The following CDCA5 variants were observed in gnomAD, a reference collection of about 807,000 sequenced individuals.
The protein encoded by CDCA5 is sororin.
Under a neutral mutation model 25.7 loss-of-function variants are expected in CDCA5, and 14 were observed. The observed-to-expected ratio is 0.54, with a 90% confidence interval of 0.36 to 0.85. The LOEUF is 0.85. Ranked by LOEUF, CDCA5 falls within the 40% of genes least tolerant of loss-of-function variation. The pLI, the probability that CDCA5 is intolerant of heterozygous loss-of-function variation, is 0.01. For synonymous variants in CDCA5, 127 were observed against 128.7 expected (o/e 0.99, Z 0.09); for missense variants, 307 against 324.5 (o/e 0.95, Z 0.41).
At chr11:65,072,529 G>A (rs938725760), downstream of CDCA5, among the ~76,000 whole-genome samples, 75 of 152,198 alleles carry the variant, frequency 4.9e-4, no homozygotes, top group African/African-American at 1.7e-3. Flanking sequence ...AATTTGTGCT[G>A]TGGGAGGCTC....
At chr11:65,082,163 T>G (rs1947580634) in intron 4 of CDCA5, among the ~76,000 whole-genome samples, 1 of 152,144 alleles carries the variant, frequency 6.6e-6, no homozygotes, top group South Asian at 2.1e-4. Context: ...GTAGCCCTTC[T>G]CAAAACCATT....
intron 1 of CDCA5, among the ~76,000 whole-genome samples, chr11:65,069,340 A>G (rs1402524474): frequency 6.6e-6 from 1 of 151,846 alleles, no homozygotes; most frequent in East Asian, 1.9e-4. Context: ...AACCACAGAC[A>G]TGGTCCTTCT....
rs2137056587 is a variant in CDCA5 at position 65,066,393 on chromosome 11, C to T, written c.644G>A (p.Trp215Ter). ...TCCGACCTCTGGCCTGGGGCCTGGC[C>T]AGGCCTGACCCTGGTCTCTGTGGTC... The change falls in exon 7 of 7, where the codon TGG (tryptophan) becomes TAG (stop). Residue 215 changes from tryptophan to a stop codon, truncating the protein, a stop_gained. Transcript: ENST00000525464. LOFTEE classifies it low-confidence loss of function (END_TRUNC). 8.3e-7 allele frequency: 1 copy of T among 1,211,764 alleles called. No individual in the cohort carries two copies. The highest frequency in any genetic ancestry group is 1.4e-5 in the South Asian group (1 of 69,046). 75.1% of individuals were successfully genotyped at this position (1,211,764 alleles called of 1,614,324 possible).
chr11:65,083,750 AGAG>A (rs1180672889), intron 1 of CDCA5, 27 bp from the exon 2 acceptor site: 3 of 1,598,514 alleles, frequency 1.9e-6, no homozygotes, highest in East Asian at 2.2e-5. Context: ...GTTAAGTGGT[AGAG>A]GAGGACTCTA....
At chr11:65,070,605 T>G (rs1299988429) in intron 1 of CDCA5, among the ~76,000 whole-genome samples, 4 of 152,112 alleles carry the variant, frequency 2.6e-5, no homozygotes, top group African/African-American at 9.7e-5. Context: ...CACTTCAGCC[T>G]CCTGAGTAGC....
chr11:65,083,554 G>A lies in CDCA5; in HGVS notation c.142-4C>T. Reference sequence around the variant, plus strand: ...TGACTGCAGCCGCACTGGGTGTCTGGAGAAGAGGGATGAACGTGAGCTCAA... The same window carrying A: ...TGACTGCAGCCGCACTGGGTGTCTGAAGAAGAGGGATGAACGTGAGCTCAA... On this transcript the variant is annotated splice_polypyrimidine_tract_variant and splice_region_variant and intron_variant, in intron 2 of 5. Coordinates refer to ENST00000275517, the MANE Select transcript of CDCA5 (RefSeq NM_080668.4). 2 of 1,614,148 alleles carry A rather than the reference G, an allele frequency of 1.2e-6. No individual in the cohort carries two copies. The highest frequency in any genetic ancestry group is 8.5e-7 in the Non-Finnish European group (1 of 1,180,006).
intron 1 of CDCA5, among the ~76,000 whole-genome samples, chr11:65,069,235 C>CA (rs538955897): frequency 0.83 from 71,071 of 85,982 alleles, 29,623 homozygotes; most frequent in Middle Eastern, 0.97. Flanking sequence ...GCGAGACTCT[C>CA]AAAAAAAAAA....
At chr11:65,067,801 A>AG (rs1477137770) in intron 3 of CDCA5, 1 of 796,776 alleles carries the variant, frequency 1.3e-6, no homozygotes, top group Non-Finnish European at 1.8e-6. Context: ...CTAGGGGATG[A>AG]GGGAAGTGGG....
chr11:65,066,169 G>A, downstream of CDCA5: 1 of 259,132 alleles, frequency 3.9e-6, no homozygotes. Flanking sequence ...AGGGGTAGAT[G>A]CAGAATGGGT....
chr11:65,081,081 C>A (rs1947555133), intron 4 of CDCA5, among the ~76,000 whole-genome samples: 1 of 152,084 alleles, frequency 6.6e-6, no homozygotes, highest in South Asian at 2.1e-4. Flanking sequence ...ACAAGGAGGC[C>A]AGTGTGGCTG....
In CDCA5 at chr11:65,082,462, T is replaced by C. The variant is rs933184222; in HGVS notation, c.243+902A>G. Among the ~76,000 whole-genome samples the C allele has an allele frequency of 2.9e-5, 4 of 137,616 alleles. No individual in the cohort carries two copies. The South Asian group carries it at 6.9e-4, about 24-fold the overall frequency. The allele number at this position is 137,616 out of a possible 152,430, so 90.3% of individuals were successfully genotyped here. On this transcript the variant is annotated intron_variant, in intron 4 of 5. Coordinates refer to ENST00000275517, the MANE Select transcript of CDCA5 (RefSeq NM_080668.4). ...GACCTGGAACAAACCTACTTGTCTT[T>C]TTTTTTTTTTTTTTTTTTGAGATGG...
At chr11:65,062,928 G>A (rs1203023643), downstream of CDCA5, among the ~76,000 whole-genome samples, 1 of 152,106 alleles carries the variant, frequency 6.6e-6, no homozygotes, top group Non-Finnish European at 1.5e-5. Flanking sequence ...AGACATCTTT[G>A]TTTTATTCAC....
intron 4 of CDCA5, 148 bp downstream of exon 4, chr11:65,083,216 A>G: frequency 2.5e-6 from 2 of 803,978 alleles, no homozygotes; most frequent in East Asian, 4.9e-5. Context: ...AGTAATCAAG[A>G]CTGGCAATGC....
chr11:65,066,304 C>A (rs2137056010), downstream of CDCA5: 5 of 1,156,566 alleles, frequency 4.3e-6, no homozygotes, highest in Non-Finnish European at 5.4e-6. Context: ...TGAAGCTTAG[C>A]TTCCAAGTTT....
chr11:65,061,904 C>T (rs1456678316), downstream of CDCA5, among the ~76,000 whole-genome samples: 3 of 148,716 alleles, frequency 2.0e-5, no homozygotes, highest in African/African-American at 7.4e-5. Context: ...CTTGTATTTC[C>T]AGCTGCCTAA....
chr11:65,071,874 C>T (rs1947349917), intron 1 of CDCA5, among the ~76,000 whole-genome samples: 1 of 152,164 alleles, frequency 6.6e-6, no homozygotes, highest in African/African-American at 2.4e-5. Context: ...AGCTCAGGAC[C>T]TGGATTTCAG....
chr11:65,066,222 C>T, downstream of CDCA5: 1 of 546,218 alleles, frequency 1.8e-6, no homozygotes, highest in South Asian at 3.1e-5. Context: ...GGCTGAGGGG[C>T]TGAGCTCAGT....
chr11:65,067,809 G>T, intron 3 of CDCA5: 2 of 1,109,526 alleles, frequency 1.8e-6, no homozygotes, highest in Non-Finnish European at 2.4e-6. Flanking sequence ...TGAGGGAAGT[G>T]GGTGGGTGGT....
chr11:65,079,583 C>G lies in CDCA5; in HGVS notation c.448G>C (p.Glu150Gln). 1 of 1,613,516 alleles carries G rather than the reference C, an allele frequency of 6.2e-7. No homozygotes were observed. The highest frequency in any genetic ancestry group is 1.1e-5 in the South Asian group (1 of 91,058). Residue 150 changes from glutamate to glutamine, a missense_variant, in exon 5 of 6, where the codon GAG becomes CAG. Coordinates refer to ENST00000275517, the MANE Select transcript of CDCA5 (RefSeq NM_080668.4). ...KKVRRSYSRL[E>Q]TLGSASTSTP... ...GAGGTAGAGGCAGAGCCCAGGGTCT[C>G]CAGCCGGCTGTAGGAACGCCTGACT...
Sources: allele counts gnomAD v4.1 joint callset (sites outside exome capture counted in the v4.1 genomes callset), GRCh38; gene constraint gnomAD v4.1.1; transcripts MANE v1.5; gene names NCBI Gene and HGNC (gene_info 2026-07-23, HGNC 2026-07-21).